The following SLC25A33 variants were observed in gnomAD, a reference collection of about 807,000 sequenced individuals.
The protein encoded by SLC25A33 is bone marrow stromal cell mitochondrial carrier protein.
A neutral mutation model predicts 35.5 loss-of-function variants in SLC25A33; 15 were observed. That is an observed-to-expected ratio of 0.42 (90% CI 0.28 to 0.65). SLC25A33 has a LOEUF of 0.65. SLC25A33 is among the 30% of genes least tolerant of loss of function. SLC25A33 has a pLI of 0.20. For synonymous variants in SLC25A33, 136 were observed against 148.7 expected (o/e 0.91, Z 0.62); for missense variants, 257 against 398.5 (o/e 0.64, Z 3.02).
At chr1:9,556,669 GTGTGTCTGTGTC>G (rs892707758) in intron 2 of SLC25A33, among the ~76,000 whole-genome samples, 8 of 151,600 alleles carry the variant, frequency 5.3e-5, no homozygotes, top group Admixed American at 3.9e-4. Context: ...GAGATTGTGT[GTGTGTCTGTGTC>G]TGTGTGTGTG....
chr1:9,543,809 T>C (rs1382304480), intron 1 of SLC25A33, among the ~76,000 whole-genome samples: 2 of 152,162 alleles, frequency 1.3e-5, no homozygotes, highest in South Asian at 2.1e-4. Context: ...AGTATATCTT[T>C]AAGATTTTAA....
chr1:9,572,573 G>A (rs1167078251), intron 4 of SLC25A33, among the ~76,000 whole-genome samples: 2 of 151,974 alleles, frequency 1.3e-5, no homozygotes, highest in Admixed American at 6.6e-5. Flanking sequence ...AGCCGAGATC[G>A]CGCCACTGCA....
At chr1:9,575,077 A>T (rs1426960833) in intron 5 of SLC25A33, among the ~76,000 whole-genome samples, 3 of 151,268 alleles carry the variant, frequency 2.0e-5, no homozygotes, top group Non-Finnish European at 2.9e-5. Context: ...GCCGGGCGTG[A>T]TGGTGGGCGC....
intron 1 of SLC25A33, among the ~76,000 whole-genome samples, chr1:9,553,213 T>G (rs866885495): frequency 3.4e-4 from 45 of 133,558 alleles, no homozygotes; most frequent in Middle Eastern, 3.5e-3. Context: ...GTTTTTTTTT[T>G]TTTTTTTTTT....
At chr1:9,559,869 A>G (rs1021386489) in intron 2 of SLC25A33, among the ~76,000 whole-genome samples, 4 of 152,190 alleles carry the variant, frequency 2.6e-5, no homozygotes, top group Non-Finnish European at 5.9e-5. Context: ...GTAAGTGATC[A>G]AACAAGAACA....
At chr1:9,557,857 T>A (rs1643368202) in intron 2 of SLC25A33, among the ~76,000 whole-genome samples, 1 of 152,062 alleles carries the variant, frequency 6.6e-6, no homozygotes, top group Non-Finnish European at 1.5e-5. Context: ...GAGCTGTGAT[T>A]GTGCCACTGT....
At chr1:9,574,798 C>A (rs1325052523) in intron 5 of SLC25A33, among the ~76,000 whole-genome samples, 1 of 152,130 alleles carries the variant, frequency 6.6e-6, no homozygotes, top group African/African-American at 2.4e-5. Flanking sequence ...TTAGATACCC[C>A]ACTATGCTTA....
intron 2 of SLC25A33, among the ~76,000 whole-genome samples, chr1:9,559,630 A>T (rs777953474): frequency 1.3e-5 from 2 of 152,126 alleles, no homozygotes; most frequent in Non-Finnish European, 2.9e-5. Flanking sequence ...TTTCCTGTTA[A>T]TAAGTTCTAA....
intron 2 of SLC25A33, among the ~76,000 whole-genome samples, chr1:9,565,653 C>T (rs1569863524): frequency 1.3e-5 from 2 of 151,588 alleles, no homozygotes; most frequent in African/African-American, 2.4e-5. Context: ...CCAAGGCAGG[C>T]GGATCATCAG....
At chr1:9,563,214 G>A (rs1157940468) in intron 2 of SLC25A33, among the ~76,000 whole-genome samples, 2 of 152,108 alleles carry the variant, frequency 1.3e-5, no homozygotes, top group Admixed American at 6.6e-5. Context: ...ATGAGCCACC[G>A]CGCCCGGCCG....
chr1:9,563,234 T>C (rs753133613), intron 2 of SLC25A33, among the ~76,000 whole-genome samples: 7 of 152,204 alleles, frequency 4.6e-5, no homozygotes, highest in Non-Finnish European at 8.8e-5. Flanking sequence ...GATTCTTTAG[T>C]ATTTCAACAA....
intron 2 of SLC25A33, among the ~76,000 whole-genome samples, chr1:9,559,455 G>C (rs868534089): frequency 2.0e-5 from 3 of 151,614 alleles, no homozygotes; most frequent in South Asian, 2.1e-4. Context: ...AAAAGCTGCT[G>C]TCATTATAAT....
At chr1:9,539,799 C>A in intron 1 of SLC25A33, 52 bp downstream of exon 1, 1 of 1,288,890 alleles carries the variant, frequency 7.8e-7, no homozygotes, top group South Asian at 2.3e-5. Flanking sequence ...GTCCCCTCGG[C>A]CTTCGCCCCG....
At chr1:9,539,980 C>T (rs1643052640) in intron 1 of SLC25A33, among the ~76,000 whole-genome samples, 1 of 152,166 alleles carries the variant, frequency 6.6e-6, no homozygotes, top group South Asian at 2.1e-4. Context: ...CTGTGCCCCG[C>T]CGCCCGTCCT....
chr1:9,556,681 C>CTGTGTG (rs139323135), intron 2 of SLC25A33, among the ~76,000 whole-genome samples: 52 of 149,494 alleles, frequency 3.5e-4, no homozygotes, highest in Admixed American at 1.3e-3. Context: ...GTGTCTGTGT[C>CTGTGTG]TGTGTGTGTG....
chr1:9,576,808 G>C lies in SLC25A33; in HGVS notation c.483-3146G>C, dbSNP rs1283976738. ...CAGGGTTCAGATGAGACCAGGTGTT[G>C]CTTGTTCAGTATCTCAAGCCTAGAA... On this transcript the variant is annotated intron_variant, in intron 5 of 6. Transcript: ENST00000302692. The C allele has an allele frequency of 3.2e-6, 4 of 1,231,232 alleles. No homozygotes were observed. The African/African-American group carries it at 6.0e-5, about 18-fold the overall frequency. 76.3% of individuals were successfully genotyped at this position (1,231,232 alleles called of 1,614,324 possible). A position where few individuals can be genotyped will look rare whatever the true frequency, so the allele number is the denominator to read the frequency against.
chr1:9,547,647 T>A (rs1392440195), intron 1 of SLC25A33, among the ~76,000 whole-genome samples: 1 of 151,962 alleles, frequency 6.6e-6, no homozygotes, highest in Non-Finnish European at 1.5e-5. Context: ...TTGTGCATTG[T>A]AGGATATTTA....
chr1:9,572,453 TA>T (rs1643604008), intron 4 of SLC25A33, among the ~76,000 whole-genome samples: 1 of 131,716 alleles, frequency 7.6e-6, no homozygotes, highest in Non-Finnish European at 1.6e-5. Context: ...CTACTAAAAA[TA>T]CAAAAAAAAA....
chr1:9,576,418 A>G (rs775456098), intron 5 of SLC25A33: 4 of 373,890 alleles, frequency 1.1e-5, no homozygotes, highest in South Asian at 8.1e-5. Flanking sequence ...TGCCGTGTCT[A>G]CTGTGAAAAT....
Sources: allele counts gnomAD v4.1 joint callset (sites outside exome capture counted in the v4.1 genomes callset), GRCh38; gene constraint gnomAD v4.1.1; transcripts MANE v1.5; gene names NCBI Gene and HGNC (gene_info 2026-07-23, HGNC 2026-07-21).